STAG3: variants seen among roughly 807,000 people sequenced by gnomAD.
STAG3 encodes STAG3 cohesin complex component, also known as cohesin subunit SA-3.
In STAG3, 101 loss-of-function variants were observed where a neutral mutation model predicts 160.7. The ratio of observed to expected loss-of-function variants is 0.63; its 90% CI spans 0.54 to 0.74. The LOEUF is 0.74. STAG3 is among the 30% of genes least tolerant of loss of function. The pLI is 0.00. For synonymous variants in STAG3, 519 were observed against 585.0 expected (o/e 0.89, Z 1.63); for missense variants, 1,188 against 1,517.4 (o/e 0.78, Z 3.61).
At chr7:100,215,830 TAGA>T (rs746608156), downstream of STAG3, among the ~76,000 whole-genome samples, 10 of 152,126 alleles carry the variant, frequency 6.6e-5, no homozygotes, top group Non-Finnish European at 1.2e-4. Flanking sequence ...GCTTGACTAA[TAGA>T]AGATGATAGA....
At chr7:100,203,665 C>A (rs1801359930) in intron 25 of STAG3, among the ~76,000 whole-genome samples, 1 of 151,896 alleles carries the variant, frequency 6.6e-6, no homozygotes, top group African/African-American at 2.4e-5. Flanking sequence ...CAGGCACCCA[C>A]CACCACGCCC....
chr7:100,192,112 C>T (rs1205167163), intron 8 of STAG3, among the ~76,000 whole-genome samples: 1 of 152,208 alleles, frequency 6.6e-6, no homozygotes, highest in Non-Finnish European at 1.5e-5. Flanking sequence ...TTTACTTCCT[C>T]TACTGAAGTC....
intron 1 of STAG3, among the ~76,000 whole-genome samples, chr7:100,178,237 G>A (rs1031316874): frequency 3.9e-5 from 6 of 152,212 alleles, no homozygotes; most frequent in Non-Finnish European, 5.9e-5. Flanking sequence ...TTATCCTGGA[G>A]CCGCTTACCC....
chr7:100,186,132 A>G, intron 4 of STAG3, 68 bp from the exon 5 acceptor site: 1 of 1,203,564 alleles, frequency 8.3e-7, no homozygotes, highest in East Asian at 2.3e-5. Flanking sequence ...TCAACTGGGA[A>G]GATCATATAG....
chr7:100,189,856 G>A (rs1449251209), intron 8 of STAG3, among the ~76,000 whole-genome samples: 3 of 148,096 alleles, frequency 2.0e-5, no homozygotes, highest in African/African-American at 7.5e-5. Flanking sequence ...AGCACTCATT[G>A]TTAGGAGTGT....
chr7:100,208,046 G>A (rs954227132), intron 29 of STAG3, among the ~76,000 whole-genome samples: 1 of 152,116 alleles, frequency 6.6e-6, no homozygotes, highest in Non-Finnish European at 1.5e-5. Flanking sequence ...AACCCGGGAG[G>A]CGGAGCTTGC....
At chr7:100,201,705 C>G (rs1006601752) in intron 21 of STAG3, 81 bp from the exon 22 acceptor site, 1 of 1,204,794 alleles carries the variant, frequency 8.3e-7, no homozygotes, top group Non-Finnish European at 1.2e-6. Flanking sequence ...ATTTTCTCTC[C>G]TCTTCACTGG....
chr7:100,201,731 C>A, intron 21 of STAG3, 55 bp from the exon 22 acceptor site: 2 of 1,480,628 alleles, frequency 1.4e-6, no homozygotes, highest in East Asian at 2.3e-5. Flanking sequence ...TTCTGGCTAT[C>A]TGTCTCTCCC....
chr7:100,219,246 T>G (rs1009819904), downstream of STAG3: 7 of 154,830 alleles, frequency 4.5e-5, no homozygotes, highest in Non-Finnish European at 1.0e-4. Context: ...TCTGCACTGC[T>G]AGGGCAGAGG....
intron 25 of STAG3, among the ~76,000 whole-genome samples, chr7:100,203,576 G>A (rs1350833086): frequency 6.6e-6 from 1 of 151,146 alleles, no homozygotes; most frequent in Non-Finnish European, 1.5e-5. Context: ...GTGCAGTGGC[G>A]TGATCTCGGC....
rs1800916743 is a variant in STAG3, at chr7:100,199,354, G to A, written c.1560G>A (p.Leu520=). 3.7e-6 allele frequency: 6 copies of A among 1,613,882 alleles called. No homozygotes were observed. The highest frequency in any genetic ancestry group is 5.1e-6 in the Non-Finnish European group (6 of 1,179,876). ...GGGAGGGTCTGACAAGCCTGCTGCTGGAGAAGGACCAGAGTACGTGTCACA... is the reference window on the plus strand; with the variant it reads ...GGGAGGGTCTGACAAGCCTGCTGCTAGAGAAGGACCAGAGTACGTGTCACA... ...KDWEGLTSLL[L]EKDQNLGDVQ... Residue 520 remains leucine, a synonymous_variant, in exon 15 of 34, where the codon CTG becomes CTA. Coordinates refer to ENST00000615138, the MANE Select transcript of STAG3 (RefSeq NM_001282717.2).
At chr7:100,185,317 C>T (rs1799922553) in intron 4 of STAG3, among the ~76,000 whole-genome samples, 1 of 152,120 alleles carries the variant, frequency 6.6e-6, no homozygotes, top group African/African-American at 2.4e-5. Flanking sequence ...TTATTCTGGG[C>T]TGGGTGTGGT....
intron 30 of STAG3, 37 bp downstream of exon 30, chr7:100,211,222 C>G: frequency 6.5e-7 from 1 of 1,535,086 alleles, no homozygotes; most frequent in Non-Finnish European, 8.7e-7. Flanking sequence ...TCTGAGTTCC[C>G]AGTTTGGTGT....
rs1201196377 is a variant in STAG3 at position 100,201,103 on chromosome 7, A to G, written c.2075A>G (p.Asp692Gly). The G allele has an allele frequency of 6.2e-7, 1 of 1,614,014 alleles. No homozygotes were observed. Among genetic ancestry groups the G allele is most frequent in the Non-Finnish European group, 8.5e-7 (1 of 1,180,026 alleles). ...TTTCCTTCTCAGTCGTCCTTCCTAG[A>G]TGAGGATGAGGTATATAATCTGGCA... ...LEELLQSSFL[D>G]EDEVYNLAAT... The change falls in exon 20 of 34, where the codon GAT becomes GGT. Residue 692 changes from aspartate (D) to glycine (G), a missense_variant. Asp to Gly is a moderately conservative substitution (Grantham distance 94, BLOSUM62 -1). Transcript: ENST00000615138.
At chr7:100,201,211 A>G in intron 20 of STAG3, 51 bp downstream of exon 20, 1 of 1,613,506 alleles carries the variant, frequency 6.2e-7, no homozygotes, top group Non-Finnish European at 8.5e-7. Context: ...GTGTCTGTGG[A>G]GTTGGTTCCC....
chr7:100,182,295 C>A, intron 3 of STAG3, 103 bp downstream of exon 3: 2 of 804,782 alleles, frequency 2.5e-6, no homozygotes, highest in Non-Finnish European at 4.0e-6. Context: ...GGGGGCAGAG[C>A]TTGCAGTGAG....
At chr7:100,181,988 G>T in intron 2 of STAG3, 102 bp from the exon 3 acceptor site, 1 of 687,150 alleles carries the variant, frequency 1.5e-6, no homozygotes, top group Non-Finnish European at 2.5e-6. Flanking sequence ...TTTTTCTCAT[G>T]GAGATGGGGT....
chr7:100,211,192 C>T lies in STAG3; in HGVS notation c.3413+7C>T, dbSNP rs766250256. 5.1e-6 allele frequency: 8 copies of T among 1,555,998 alleles called. No individual in the cohort carries two copies. The highest frequency in any genetic ancestry group is 6.9e-6 in the Non-Finnish European group (8 of 1,153,150). On this transcript the variant is annotated splice_region_variant and intron_variant, in intron 30 of 33. Coordinates refer to ENST00000615138, the MANE Select transcript of STAG3 (RefSeq NM_001282717.2). ...AGTTGGATTTTGCCCAGGGGTGAGG[C>T]CATGGAGGGAATCTGGGTGTCTGAG...
chr7:100,204,178 A>C, intron 26 of STAG3, 56 bp downstream of exon 26: 1 of 1,350,338 alleles, frequency 7.4e-7, no homozygotes, highest in Admixed American at 1.7e-5. Flanking sequence ...GTCTCTGTCT[A>C]CCCTCAGCCA....
Sources: allele counts gnomAD v4.1 joint callset (sites outside exome capture counted in the v4.1 genomes callset), GRCh38; gene constraint gnomAD v4.1.1; transcripts MANE v1.5; gene names NCBI Gene and HGNC (gene_info 2026-07-23, HGNC 2026-07-21).